Variants in TMEM132C observed in about 807,000 individuals in gnomAD.
The protein encoded by TMEM132C is transmembrane protein 132C.
In TMEM132C, 29 loss-of-function variants were observed where a neutral mutation model predicts 61.4. That is an observed-to-expected ratio of 0.47 (90% confidence interval 0.35 to 0.64). The LOEUF is 0.64. Ranked by LOEUF, TMEM132C falls within the 30% of genes least tolerant of loss-of-function variation. The pLI is 0.00. For missense variants in TMEM132C, 1,408 were observed against 1,476.9 expected, an observed-to-expected ratio of 0.95 and a Z score of 0.76; for synonymous variants, 656 against 633.1, an observed-to-expected ratio of 1.04 and a Z score of -0.54.
rs899454748 is a variant in TMEM132C at position 128,630,800 on chromosome 12, C to T, written c.1305+14465C>T. Among the ~76,000 whole-genome samples the T allele has an allele frequency of 1.3e-5, 2 of 152,078 alleles. No homozygotes were observed. Among genetic ancestry groups the T allele is most frequent in the Admixed American group, 1.3e-4 (2 of 15,266 alleles). Reference sequence around the variant, plus strand: ...CTGTAATCCCAGCACTTTGGGAGGCCGAGGCAGGCAGATCACAAGGTCAGG... The same window carrying T: ...CTGTAATCCCAGCACTTTGGGAGGCTGAGGCAGGCAGATCACAAGGTCAGG... On this transcript the variant is annotated intron_variant, in intron 4 of 8. Coordinates refer to ENST00000435159, the MANE Select transcript of TMEM132C (RefSeq NM_001136103.3). The surrounding 1 kb of genome is among the most constrained non-coding windows in gnomAD (Gnocchi z 4.3).
At chr12:128,279,329 T>G (rs1173086999) in intron 1 of TMEM132C, among the ~76,000 whole-genome samples, 1 of 152,174 alleles carries the variant, frequency 6.6e-6, no homozygotes, top group African/African-American at 2.4e-5. Flanking sequence ...AGACAGTGCT[T>G]CCTTACTTTG....
At chr12:128,493,850 C>T (rs1871841316) in intron 2 of TMEM132C, among the ~76,000 whole-genome samples, 1 of 152,158 alleles carries the variant, frequency 6.6e-6, no homozygotes, top group Non-Finnish European at 1.5e-5. Flanking sequence ...TTTCTTTCTC[C>T]TGCCTGATTG....
intron 5 of TMEM132C, among the ~76,000 whole-genome samples, chr12:128,677,236 T>A (rs1171364663): frequency 6.6e-6 from 1 of 152,122 alleles, no homozygotes; most frequent in African/African-American, 2.4e-5. Flanking sequence ...GATTTAGCAA[T>A]ATCCAGTCCG....
intron 1 of TMEM132C, among the ~76,000 whole-genome samples, chr12:128,371,823 C>T (rs1874036104): frequency 6.6e-6 from 1 of 152,208 alleles, no homozygotes; most frequent in Non-Finnish European, 1.5e-5. Flanking sequence ...AGGTTATCCT[C>T]ACTTCTCAGC....
intron 3 of TMEM132C, among the ~76,000 whole-genome samples, chr12:128,589,200 C>G (rs1002126020): frequency 6.6e-6 from 1 of 152,156 alleles, no homozygotes; most frequent in Non-Finnish European, 1.5e-5. Flanking sequence ...ATGCAGGACA[C>G]GAAGGCAAGG....
At chr12:128,598,067 T>C (rs1028785520) in intron 3 of TMEM132C, among the ~76,000 whole-genome samples, 21 of 152,192 alleles carry the variant, frequency 1.4e-4, no homozygotes, top group African/African-American at 4.8e-4. Context: ...TCAAAGACTG[T>C]TTCTTTTTTA....
intron 1 of TMEM132C, among the ~76,000 whole-genome samples, chr12:128,364,238 TCTC>T (rs1873792787): frequency 6.7e-6 from 1 of 149,466 alleles, no homozygotes. Flanking sequence ...TCTTCCTCCT[TCTC>T]CTCCTCCTTC....
intron 1 of TMEM132C, among the ~76,000 whole-genome samples, chr12:128,392,116 A>C (rs1227569033): frequency 6.7e-6 from 1 of 150,078 alleles, no homozygotes; most frequent in East Asian, 1.9e-4. Context: ...TGTGGATGCA[A>C]CACAGACCCT....
At chr12:128,500,687 A>G (rs970401231) in intron 2 of TMEM132C, among the ~76,000 whole-genome samples, 3 of 152,208 alleles carry the variant, frequency 2.0e-5, no homozygotes, top group African/African-American at 7.2e-5. Context: ...AAAAGACCAC[A>G]GACGTTGGGA....
chr12:128,411,710 G>GA (rs1868556388), intron 1 of TMEM132C, among the ~76,000 whole-genome samples: 1 of 152,042 alleles, frequency 6.6e-6, no homozygotes, highest in South Asian at 2.1e-4. Flanking sequence ...TTGCTCTTGG[G>GA]ATCTCATTGA....
At chr12:128,369,567 C>A (rs1360467665) in intron 1 of TMEM132C, among the ~76,000 whole-genome samples, 1 of 152,172 alleles carries the variant, frequency 6.6e-6, no homozygotes, top group Non-Finnish European at 1.5e-5. Flanking sequence ...CAGGAGGTAA[C>A]ACAGGCATTT....
chr12:128,481,784 T>G (rs10082868), intron 2 of TMEM132C, among the ~76,000 whole-genome samples: 27,411 of 152,002 alleles, frequency 0.18, 4,189 homozygotes, highest in African/African-American at 0.42. Context: ...GGGGCTTGGT[T>G]GTCCCTGGCT....
intron 2 of TMEM132C, among the ~76,000 whole-genome samples, chr12:128,483,301 G>GGGGGA (rs1871373052): frequency 1.4e-3 from 1 of 726 alleles, no homozygotes; most frequent in Non-Finnish European, 3.6e-3. Flanking sequence ...GAAAGAGAGA[G>GGGGGA]GGGGAGGTGA....
rs549321320 is a variant in TMEM132C at position 128,518,913 on chromosome 12, G to A, written c.975-25044G>A. ...TTGTGTCTATTTCTCATTCTGTCAC[G>A]TGGGAATAATAGTACCACCCCCTGC... On this transcript the variant is annotated intron_variant, in intron 2 of 8. Coordinates refer to ENST00000435159, the MANE Select transcript of TMEM132C (RefSeq NM_001136103.3). Among the ~76,000 whole-genome samples, 192 of 152,302 alleles carry A rather than the reference G, an allele frequency of 1.3e-3. 1 individual carries two copies. Among genetic ancestry groups the A allele is most frequent in the Non-Finnish European group, 2.1e-3 (146 of 68,038 alleles).
At chr12:128,693,610 T>C (rs1954735333) in intron 5 of TMEM132C, among the ~76,000 whole-genome samples, 1 of 152,142 alleles carries the variant, frequency 6.6e-6, no homozygotes, top group South Asian at 2.1e-4. Flanking sequence ...CTATTGGGTT[T>C]CCTTCTTTCT....
At chr12:128,391,290 A>G (rs920286502) in intron 1 of TMEM132C, among the ~76,000 whole-genome samples, 3 of 152,162 alleles carry the variant, frequency 2.0e-5, no homozygotes, top group Admixed American at 6.5e-5. Flanking sequence ...ACCCTTTCTC[A>G]TCATTTTTCC....
chr12:128,533,206 C>T (rs1390559421), intron 2 of TMEM132C, among the ~76,000 whole-genome samples: 2 of 152,270 alleles, frequency 1.3e-5, no homozygotes, highest in East Asian at 3.9e-4. Flanking sequence ...GAACACTGGG[C>T]TAACAGGCTT....
chr12:128,464,618 A>G (rs2136073712), intron 2 of TMEM132C, among the ~76,000 whole-genome samples: 1 of 152,296 alleles, frequency 6.6e-6, no homozygotes, highest in East Asian at 1.9e-4. Context: ...GTAAATAATT[A>G]GCTAGACATG....
intron 3 of TMEM132C, among the ~76,000 whole-genome samples, chr12:128,613,964 A>G (rs1876716666): frequency 1.3e-5 from 2 of 152,226 alleles, no homozygotes; most frequent in Non-Finnish European, 2.9e-5. Context: ...GCAAACATGT[A>G]GCCTTCCAGG....
Sources: gnomAD v4.1 joint callset for allele counts (sites outside exome capture counted in the v4.1 genomes callset) on GRCh38, gnomAD v4.1.1 for gene constraint, Gnocchi (gnomAD v3.1) non-coding constraint, MANE v1.5 for transcripts, NCBI Gene and HGNC (gene_info 2026-07-23, HGNC 2026-07-21) for gene names.